ZNF420: variants seen among roughly 807,000 people sequenced by gnomAD.
ZNF420 encodes the protein zinc finger protein 420.
Under a neutral mutation model 44.7 loss-of-function variants are expected in ZNF420, and 31 were observed. The observed-to-expected ratio is 0.69, with a 90% CI of 0.52 to 0.94. ZNF420 has a LOEUF of 0.94. Among genes scored for constraint, ZNF420 ranks in the 40% least tolerant of loss-of-function variants. ZNF420 has a pLI of 0.00. For missense variants in ZNF420, 681 were observed against 827.9 expected, an observed-to-expected ratio of 0.82 and a Z score of 2.18; for synonymous variants, 245 against 267.4, an observed-to-expected ratio of 0.92 and a Z score of 0.82.
chr19:37,018,695 G>A (rs1266117578), intron 1 of ZNF420, among the ~76,000 whole-genome samples: 1 of 152,144 alleles, frequency 6.6e-6, no homozygotes, highest in Non-Finnish European at 1.5e-5. Flanking sequence ...AGCCTCCTGA[G>A]TAGCTGGGAT....
chr19:37,090,584 T>C (rs1969076105), intron 3 of ZNF420, among the ~76,000 whole-genome samples: 1 of 151,800 alleles, frequency 6.6e-6, no homozygotes, highest in Admixed American at 6.6e-5. Flanking sequence ...ATGTGCTCTG[T>C]TGCTTCCTTT....
At chr19:37,036,416 A>G (rs7245520) in intron 1 of ZNF420, among the ~76,000 whole-genome samples, 77,428 of 151,930 alleles carry the variant, frequency 0.51, 20,274 homozygotes, top group African/African-American at 0.58. Context: ...CTTCCTCCCC[A>G]AATTCCCTCC....
chr19:37,102,194 G>A (rs8109501), intron 4 of ZNF420, among the ~76,000 whole-genome samples: 79,492 of 151,686 alleles, frequency 0.52, 21,585 homozygotes, highest in African/African-American at 0.63. Context: ...GTGTCTACAC[G>A]GAGGGGATAG....
chr19:37,007,958 G>T, exon 1 of ZNF420: 1 of 164,348 alleles, frequency 6.1e-6, no homozygotes, highest in South Asian at 1.4e-4. Context: ...GAGGTCGACA[G>T]AACGACAGGA....
intron 1 of ZNF420, among the ~76,000 whole-genome samples, chr19:37,018,015 T>C (rs374165131): frequency 7.2e-5 from 11 of 151,968 alleles, no homozygotes; most frequent in African/African-American, 2.7e-4. Flanking sequence ...TCTATACAAT[T>C]ACACTGAAGA....
chr19:37,012,495 CG>C (rs2074577538), intron 1 of ZNF420, among the ~76,000 whole-genome samples: 1 of 152,124 alleles, frequency 6.6e-6, no homozygotes. Flanking sequence ...GGATGGTCTG[CG>C]GATGCCAAGA....
chr19:37,038,604 C>A (rs1967398412), intron 1 of ZNF420, among the ~76,000 whole-genome samples: 2 of 152,192 alleles, frequency 1.3e-5, no homozygotes, highest in South Asian at 4.1e-4. Flanking sequence ...TAGATTCCAT[C>A]TCAAGAAACC....
chr19:37,054,134 C>T (rs548942271), intron 1 of ZNF420, among the ~76,000 whole-genome samples: 34 of 152,312 alleles, frequency 2.2e-4, no homozygotes, highest in Non-Finnish European at 4.9e-4. Context: ...GAGCAAGGCT[C>T]CATGGGCATA....
intron 4 of ZNF420, among the ~76,000 whole-genome samples, chr19:37,101,245 A>C (rs1456517452): frequency 6.6e-6 from 1 of 152,214 alleles, no homozygotes; most frequent in Non-Finnish European, 1.5e-5. Context: ...CTGTAATCCC[A>C]GCACTTTGGG....
chr19:37,087,282 C>CAAAAAAAAA (rs199903253), intron 2 of ZNF420, among the ~76,000 whole-genome samples: 2 of 121,442 alleles, frequency 1.6e-5, no homozygotes, highest in African/African-American at 3.1e-5. Context: ...GACCCTGTCT[C>CAAAAAAAAA]AAAAAAAAAA....
chr19:37,098,875 C>T (rs548670648), intron 4 of ZNF420, among the ~76,000 whole-genome samples: 108 of 152,298 alleles, frequency 7.1e-4, no homozygotes, highest in Non-Finnish European at 1.3e-3. Context: ...CACTGTTCTA[C>T]TCTCTACTTA....
chr19:37,056,202 G>A (rs1409939525), intron 1 of ZNF420, among the ~76,000 whole-genome samples: 1 of 152,110 alleles, frequency 6.6e-6, no homozygotes, highest in Non-Finnish European at 1.5e-5. Flanking sequence ...GAGGGGTGGG[G>A]ATGGGGTGAA....
upstream of ZNF420, among the ~76,000 whole-genome samples, chr19:37,074,187 C>T (rs1185299544): frequency 6.6e-6 from 1 of 151,882 alleles, no homozygotes; most frequent in Non-Finnish European, 1.5e-5. Context: ...TTCTTAGCCT[C>T]AAAGAAAAAA....
intron 4 of ZNF420, among the ~76,000 whole-genome samples, chr19:37,100,978 T>C (rs1969739705): frequency 6.8e-6 from 1 of 146,614 alleles, no homozygotes; most frequent in Non-Finnish European, 1.5e-5. Context: ...TCTTGCCTCT[T>C]TGGTTAAATT....
chr19:37,061,364 T>C (rs957844263), intron 1 of ZNF420, among the ~76,000 whole-genome samples: 9 of 152,232 alleles, frequency 5.9e-5, no homozygotes, highest in Admixed American at 6.5e-5. Flanking sequence ...CAGACTGTTA[T>C]ATATGCTCTT....
chr19:37,026,164 T>C (rs1967154585), intron 1 of ZNF420, among the ~76,000 whole-genome samples: 1 of 147,838 alleles, frequency 6.8e-6, no homozygotes, highest in Admixed American at 6.8e-5. Flanking sequence ...AATACAAAAT[T>C]AGCTGGCGGG....
chr19:37,055,658 AT>A (rs1568431578), intron 1 of ZNF420, among the ~76,000 whole-genome samples: 1 of 152,158 alleles, frequency 6.6e-6, no homozygotes, highest in Non-Finnish European at 1.5e-5. Context: ...AGTGACCCCA[AT>A]GGTTGCCTGA....
intron 1 of ZNF420, among the ~76,000 whole-genome samples, chr19:37,008,601 C>T (rs937554375): frequency 6.6e-6 from 1 of 152,216 alleles, no homozygotes; most frequent in Non-Finnish European, 1.5e-5. Context: ...AGACTCTTCT[C>T]TGACAAATGA....
chr19:37,057,817 C>T (rs1967787816), intron 1 of ZNF420, among the ~76,000 whole-genome samples: 1 of 152,156 alleles, frequency 6.6e-6, no homozygotes, highest in East Asian at 1.9e-4. Context: ...CATTCTCCTG[C>T]AGGAGGGGAG....
Sources: allele counts gnomAD v4.1 joint callset (sites outside exome capture counted in the v4.1 genomes callset), GRCh38; gene constraint gnomAD v4.1.1; transcripts MANE v1.5; gene names NCBI Gene and HGNC (gene_info 2026-07-23, HGNC 2026-07-21).